Variants in MAP4K4 observed in about 807,000 individuals in gnomAD.
MAP4K4 encodes the protein HPK/GCK-like kinase HGK.
A neutral mutation model predicts 189.6 loss-of-function variants in MAP4K4; 38 were observed. The ratio of observed to expected loss-of-function variants is 0.20; its 90% CI spans 0.15 to 0.26. MAP4K4 has a LOEUF of 0.26. MAP4K4 is among the 10% of genes least tolerant of loss of function. MAP4K4 has a pLI of 1.00. For synonymous variants in MAP4K4, 610 were observed against 624.3 expected (o/e 0.98, Z 0.34); for missense variants, 1,054 against 1,726.9 (o/e 0.61, Z 6.91).
At chr2:101,698,244 G>A in intron 1 of MAP4K4, 107 bp downstream of exon 1, 1 of 374,558 alleles carries the variant, frequency 2.7e-6, no homozygotes, top group Non-Finnish European at 3.8e-6. Flanking sequence ...GGGCAGAGCC[G>A]CGGGGCGCGG....
rs1383465413 is a variant in MAP4K4, at chr2:101,698,555, T to C, written c.123+17T>C. The C allele has an allele frequency of 4.3e-6, 7 of 1,611,454 alleles. No individual in the cohort carries two copies. The highest frequency in any genetic ancestry group is 2.2e-5 in the South Asian group (2 of 90,934). ...GTCTATAAGGTCGGTGTGGGCGCCT[T>C]CTTTGTTTCCCGTGGCATGTGGAAA... is the stretch of plus-strand genomic sequence containing the variant. On this transcript the variant is annotated intron_variant, in intron 2 of 32. Transcript: ENST00000324219.
At chr2:101,804,786 A>AT (rs1395304880) in intron 3 of MAP4K4, among the ~76,000 whole-genome samples, 1 of 152,076 alleles carries the variant, frequency 6.6e-6, no homozygotes, top group African/African-American at 2.4e-5. Flanking sequence ...TAGCTCTTAT[A>AT]TTTTTATATT....
chr2:101,793,535 C>T (rs938079602), intron 3 of MAP4K4, among the ~76,000 whole-genome samples: 4 of 144,724 alleles, frequency 2.8e-5, no homozygotes, highest in African/African-American at 1.0e-4. Context: ...GCTATTGGAG[C>T]GGGTTCTCTT....
chr2:101,745,745 G>A (rs1019956294), intron 2 of MAP4K4, among the ~76,000 whole-genome samples: 1 of 151,994 alleles, frequency 6.6e-6, no homozygotes, highest in Non-Finnish European at 1.5e-5. Flanking sequence ...AAAACTGCTT[G>A]TCTGGTTGTG....
intron 2 of MAP4K4, among the ~76,000 whole-genome samples, chr2:101,737,320 T>G (rs983319025): frequency 6.6e-6 from 1 of 151,238 alleles, no homozygotes; most frequent in Non-Finnish European, 1.5e-5. Flanking sequence ...TTGTGCCCAC[T>G]TTTTAATTTT....
intron 7 of MAP4K4, among the ~76,000 whole-genome samples, chr2:101,832,252 C>A (rs1464938260): frequency 6.6e-6 from 1 of 152,124 alleles, no homozygotes; most frequent in East Asian, 1.9e-4. Flanking sequence ...CACTTTACAG[C>A]TTTTATTTGG....
intron 29 of MAP4K4, 41 bp downstream of exon 29, chr2:101,885,328 C>A: frequency 8.6e-7 from 1 of 1,157,326 alleles, no homozygotes. Flanking sequence ...ATTGGCCATT[C>A]AAGCTGCAAC....
At chr2:101,886,345 G>A (rs2098481112) in intron 29 of MAP4K4, among the ~76,000 whole-genome samples, 1 of 152,086 alleles carries the variant, frequency 6.6e-6, no homozygotes, top group African/African-American at 2.4e-5. Flanking sequence ...AGCACATACA[G>A]CCTTTTCACC....
chr2:101,880,103 T>C (rs1456543170), intron 27 of MAP4K4, among the ~76,000 whole-genome samples: 5 of 152,188 alleles, frequency 3.3e-5, no homozygotes, highest in Non-Finnish European at 5.9e-5. Flanking sequence ...TCTGATGAGA[T>C]ATGTGTTTTG....
chr2:101,733,645 T>TA (rs938294008), intron 2 of MAP4K4, among the ~76,000 whole-genome samples: 127 of 152,132 alleles, frequency 8.3e-4, no homozygotes, highest in African/African-American at 2.9e-3. Context: ...GGAGCGTGCA[T>TA]GGGACAGTAG....
intron 11 of MAP4K4, among the ~76,000 whole-genome samples, chr2:101,843,613 G>A (rs2096989582): frequency 6.6e-6 from 1 of 152,138 alleles, no homozygotes; most frequent in Non-Finnish European, 1.5e-5. Context: ...GATCTGTGTA[G>A]TGGCTAATTC....
chr2:101,795,908 C>G (rs766801054), intron 3 of MAP4K4, among the ~76,000 whole-genome samples: 2 of 152,078 alleles, frequency 1.3e-5, no homozygotes, highest in Admixed American at 6.5e-5. Flanking sequence ...AATATTACTA[C>G]TTAAAATAGA....
intron 3 of MAP4K4, among the ~76,000 whole-genome samples, chr2:101,807,604 T>A (rs1395406669): frequency 2.0e-5 from 3 of 152,134 alleles, no homozygotes; most frequent in Non-Finnish European, 4.4e-5. Context: ...TGAGACTGGG[T>A]AATTTATAAA....
chr2:101,841,555 G>A (rs1034901881), intron 10 of MAP4K4, among the ~76,000 whole-genome samples: 4 of 151,572 alleles, frequency 2.6e-5, no homozygotes, highest in Non-Finnish European at 5.9e-5. Flanking sequence ...TGCAGCCTCC[G>A]CCTCCCAGGT....
intron 2 of MAP4K4, among the ~76,000 whole-genome samples, chr2:101,734,848 T>C (rs1238415079): frequency 6.6e-6 from 1 of 152,046 alleles, no homozygotes; most frequent in Non-Finnish European, 1.5e-5. Context: ...CCTGGGGTGA[T>C]TGTGGAGGAG....
At chr2:101,802,625 A>G (rs1172656745) in intron 3 of MAP4K4, among the ~76,000 whole-genome samples, 1 of 152,144 alleles carries the variant, frequency 6.6e-6, no homozygotes, top group Non-Finnish European at 1.5e-5. Flanking sequence ...ATGCCTTGAC[A>G]CAGCAAATGG....
At chr2:101,888,691 TAAA>T in intron 31 of MAP4K4, 102 bp from the exon 32 acceptor site, 1 of 856,256 alleles carries the variant, frequency 1.2e-6, no homozygotes, top group South Asian at 3.9e-5. Context: ...TTTTAAATTT[TAAA>T]AAGATTTAGA....
chr2:101,738,253 G>C (rs2061277435), intron 2 of MAP4K4, among the ~76,000 whole-genome samples: 2 of 152,050 alleles, frequency 1.3e-5, no homozygotes, highest in African/African-American at 4.8e-5. Flanking sequence ...TATGATTTCT[G>C]TCTTAGTCCA....
At chr2:101,745,015 C>G (rs557815071) in intron 2 of MAP4K4, among the ~76,000 whole-genome samples, 2 of 152,216 alleles carry the variant, frequency 1.3e-5, no homozygotes, top group South Asian at 4.1e-4. Context: ...GCAGCATCAC[C>G]TTTTTAGTAT....
Sources: allele counts gnomAD v4.1 joint callset (sites outside exome capture counted in the v4.1 genomes callset), GRCh38; gene constraint gnomAD v4.1.1; transcripts MANE v1.5; gene names NCBI Gene and HGNC (gene_info 2026-07-23, HGNC 2026-07-21).